Variants in ACACB observed in about 807,000 individuals in gnomAD.
ACACB encodes the protein acetyl-CoA carboxylase beta.
Under a neutral mutation model 278.8 loss-of-function variants are expected in ACACB, and 209 were observed. The ratio of observed to expected loss-of-function variants is 0.75; its 90% confidence interval spans 0.67 to 0.84. The LOEUF (loss-of-function observed/expected upper bound fraction) is 0.84. Ranked by LOEUF, ACACB falls within the 40% of genes least tolerant of loss-of-function variation. The pLI is 0.00. For synonymous variants in ACACB, 1,174 were observed against 1,285.6 expected (o/e 0.91, Z 1.86); for missense variants, 2,850 against 3,269.0 (o/e 0.87, Z 3.13).
chr12:109,207,160 T>C (rs1230674491), intron 20 of ACACB, among the ~76,000 whole-genome samples: 5 of 152,268 alleles, frequency 3.3e-5, no homozygotes, highest in Non-Finnish European at 7.4e-5. Flanking sequence ...TTTGCCATGT[T>C]CCCCACGCTG....
intron 51 of ACACB, 49 bp downstream of exon 51, chr12:109,265,329 G>C (rs969185762): frequency 1.2e-6 from 2 of 1,610,442 alleles, no homozygotes; most frequent in Admixed American, 1.7e-5. Context: ...GGTGCTGGGG[G>C]CTGAGACAGC....
chr12:109,118,235 G>A (rs1462102937), intron 1 of ACACB, among the ~76,000 whole-genome samples: 1 of 152,050 alleles, frequency 6.6e-6, no homozygotes, highest in African/African-American at 2.4e-5. Flanking sequence ...AGTTTTATTT[G>A]CTCCTGCTCA....
At position 109,172,361 on chromosome 12, in the gene ACACB, A is replaced by C. The variant is rs2044147318; in HGVS notation, c.1117+5A>C. 6.2e-7 allele frequency: 1 copy of C among 1,613,856 alleles called. No individual in the cohort carries two copies. The highest frequency in any genetic ancestry group is 8.5e-7 in the Non-Finnish European group (1 of 1,179,916). On this transcript the variant is annotated splice_donor_5th_base_variant and intron_variant, in intron 6 of 52. Transcript: ENST00000338432. Reference sequence around the variant, plus strand: ...AGAATGGAGTTGCTTTCTTAGGTAGAGTGTGTCCCCATCAGATACATGGGA... The same window carrying C: ...AGAATGGAGTTGCTTTCTTAGGTAGCGTGTGTCCCCATCAGATACATGGGA...
chr12:109,264,223 C>T lies in ACACB; in HGVS notation c.6788-9C>T, dbSNP rs2047452717. 1.2e-6 allele frequency: 2 copies of T among 1,613,462 alleles called. No homozygotes were observed. The highest frequency in any genetic ancestry group is 2.2e-5 in the East Asian group (1 of 44,874). On this transcript the variant is annotated splice_polypyrimidine_tract_variant and intron_variant, in intron 49 of 52. Transcript: ENST00000338432. ...CCATGGCTTGACTGGCCTTTCTGCT[C>T]ACCTGCAGGGGAACCTGATCTCTCC...
intron 47 of ACACB, among the ~76,000 whole-genome samples, chr12:109,259,758 A>G (rs2047330790): frequency 2.0e-5 from 3 of 152,154 alleles, no homozygotes; most frequent in Non-Finnish European, 1.5e-5. Flanking sequence ...CTCTGCAGAA[A>G]GCTGCTCTGA....
At chr12:109,178,899 G>T (rs958765115) in intron 9 of ACACB, among the ~76,000 whole-genome samples, 189 bp from the exon 10 acceptor site, 4 of 152,168 alleles carry the variant, frequency 2.6e-5, no homozygotes, top group Non-Finnish European at 5.9e-5. Context: ...CTTTCTCCTC[G>T]TTACTGTGGA....
rs771299540 is a variant in ACACB, at chr12:109,249,974, G to A, written c.5670-10G>A. 1 of 1,609,850 alleles carries A rather than the reference G, an allele frequency of 6.2e-7. No homozygotes were observed. The highest frequency in any genetic ancestry group is 8.5e-7 in the Non-Finnish European group (1 of 1,178,510). The stretch of plus-strand genomic sequence containing the variant: ...AGAGCCCAGCCTTTAACCTGTGCTT[G>A]CTTTTGAAGATACATGATCACGGAT... On this transcript the variant is annotated splice_polypyrimidine_tract_variant and intron_variant, in intron 40 of 52. Transcript: ENST00000338432.
At chr12:109,225,568 A>G (rs1593629735) in intron 27 of ACACB, among the ~76,000 whole-genome samples, 2 of 152,218 alleles carry the variant, frequency 1.3e-5, no homozygotes, top group African/African-American at 4.8e-5. Flanking sequence ...ACCTTCCCCA[A>G]ATTCAAGTTC....
chr12:109,164,717 AT>A (rs36026617), intron 2 of ACACB, among the ~76,000 whole-genome samples: 1,587 of 134,066 alleles, frequency 0.012, 33 homozygotes, highest in African/African-American at 0.04. Flanking sequence ...GCTAATTTAA[AT>A]TTTTTTTTTT....
chr12:109,266,101 C>T (rs939026139), intron 52 of ACACB, 135 bp from the exon 53 acceptor site: 9 of 1,126,500 alleles, frequency 8.0e-6, no homozygotes, highest in Middle Eastern at 2.2e-4. Context: ...AGGACCATCA[C>T]CCCCATGGGG....
Position 109,265,093 on chromosome 12 carries a change from G to T in ACACB, c.6943-17G>T. 1 of 1,595,108 alleles carries T rather than the reference G, an allele frequency of 6.3e-7. No individual in the cohort carries two copies. Among genetic ancestry groups the T allele is most frequent in the Non-Finnish European group, 8.5e-7 (1 of 1,170,092 alleles). ...CCTCCTTCCCTTTCCGGGGATTCAA[G>T]CCTGGCTCGTCCACAGGACATCCTG... On this transcript the variant is annotated splice_polypyrimidine_tract_variant and intron_variant, in intron 50 of 52. Coordinates refer to ENST00000338432, the MANE Select transcript of ACACB (RefSeq NM_001093.4).
At position 109,209,930 on chromosome 12, in the gene ACACB, TACAC is replaced by T. The variant is rs578176364; in HGVS notation, c.3249+581_3249+584del. 4.9e-5 allele frequency among the ~76,000 whole-genome samples: 5 copies of T among 101,340 alleles called. 1 individual carries two copies. The highest frequency in any genetic ancestry group is 2.2e-4 in the African/African-American group (5 of 23,122). 66.5% of individuals were successfully genotyped at this position (101,340 alleles called of 152,430 possible). A position where few individuals can be genotyped will look rare whatever the true frequency, so the allele number is the denominator to read the frequency against. On this transcript the variant is annotated intron_variant, in intron 21 of 52. Coordinates refer to ENST00000338432, the MANE Select transcript of ACACB (RefSeq NM_001093.4). ...ACACACACGTGTGTATATATGTGTATACACACATACACACACGTGTGTGTATATA... is the reference window on the plus strand; with the variant it reads ...ACACACACGTGTGTATATATGTGTATACATACACACACGTGTGTGTATATA...
intron 2 of ACACB, among the ~76,000 whole-genome samples, chr12:109,145,019 C>T (rs2043208574): frequency 6.6e-6 from 1 of 152,092 alleles, no homozygotes. Flanking sequence ...TCTAGGCCTC[C>T]CAAAGTGCTG....
At chr12:109,234,150 G>A (rs2046563407) in intron 31 of ACACB, 105 bp downstream of exon 31, 3 of 933,042 alleles carry the variant, frequency 3.2e-6, no homozygotes, top group Non-Finnish European at 5.0e-6. Flanking sequence ...GAGTACTTCA[G>A]AGCCACAGAC....
chr12:109,179,889 C>T, intron 10 of ACACB, 28 bp from the exon 11 acceptor site: 1 of 1,591,810 alleles, frequency 6.3e-7, no homozygotes, highest in African/African-American at 1.3e-5. Context: ...CTCTGGAACC[C>T]CCTTGGCCTC....
chr12:109,179,772 T>G, intron 10 of ACACB, 145 bp from the exon 11 acceptor site: 2 of 928,364 alleles, frequency 2.2e-6, no homozygotes, highest in Non-Finnish European at 3.2e-6. Flanking sequence ...GTGATAGGCA[T>G]GAGCCACCAC....
rs528021410 is a variant in ACACB at position 109,179,827 on chromosome 12, C to T, written c.1648-90C>T. The T allele has an allele frequency of 2.3e-5, 33 of 1,427,670 alleles. No individual in the cohort carries two copies. In the South Asian group the frequency reaches 4.0e-4, roughly 17 times the overall value. The allele number at this position is 1,427,670 out of a possible 1,614,324, so 88.4% of individuals were successfully genotyped here. On this transcript the variant is annotated intron_variant, in intron 10 of 52. Transcript: ENST00000338432. ...ATTTCACATGTAGCAGGTGCTCAGT[C>T]TGCATTTGGTGAAGGAACTGATAGT...
At chr12:109,262,509 A>G (rs771505200) in intron 49 of ACACB, 40 bp downstream of exon 49, 2 of 1,440,034 alleles carry the variant, frequency 1.4e-6, no homozygotes, top group Non-Finnish European at 1.9e-6. Context: ...AGAGGTCAAG[A>G]GAGGCCCAGC....
In ACACB at chr12:109,260,394, C is replaced by T. The variant is rs1348026285; in HGVS notation, c.6497-86C>T. 3.9e-6 allele frequency: 6 copies of T among 1,544,476 alleles called. No individual in the cohort carries two copies. The East Asian group carries it at 9.0e-5, about 23-fold the overall frequency. On this transcript the variant is annotated intron_variant, in intron 47 of 52. Coordinates refer to ENST00000338432, the MANE Select transcript of ACACB (RefSeq NM_001093.4). The stretch of plus-strand genomic sequence containing the variant: ...CAAGCCTCTCAGCTGGGCTCACTCT[C>T]CCAGGACCCCCAGGACAACTAGGGC...
Sources: gnomAD v4.1 joint callset for allele counts (sites outside exome capture counted in the v4.1 genomes callset) on GRCh38, gnomAD v4.1.1 for gene constraint, MANE v1.5 for transcripts, NCBI Gene and HGNC (gene_info 2026-07-23, HGNC 2026-07-21) for gene names.